DSCC1: variants seen among roughly 807,000 people sequenced by gnomAD.
DSCC1 encodes DNA replication and sister chromatid cohesion 1.
Under a neutral mutation model 48.2 loss-of-function variants are expected in DSCC1, and 32 were observed. That is an observed-to-expected ratio of 0.66 (90% CI 0.50 to 0.89). DSCC1 has a LOEUF of 0.89. DSCC1 is among the 40% of genes least tolerant of loss of function. The pLI is 0.00. For synonymous variants in DSCC1, 150 were observed against 171.5 expected (o/e 0.87, Z 0.98); for missense variants, 421 against 471.7 (o/e 0.89, Z 1.00).
In DSCC1 at chr8:119,838,277, T is replaced by A; in HGVS notation, c.1055A>T (p.Asp352Val). 6.3e-7 allele frequency: 1 copy of A among 1,595,708 alleles called. No homozygotes were observed. Among genetic ancestry groups the A allele is most frequent in the Non-Finnish European group, 8.5e-7 (1 of 1,173,826 alleles). ...TACTTACTGAATATATGGAGCAATA[T>A]CTTCTTCTGTCCACTTCTCCCTTAG... is the stretch of plus-strand genomic sequence containing the variant. ...FSLREKWTEE[D>V]IAPYIQDLCG... Residue 352 changes from aspartate to valine, a missense_variant, in exon 8 of 9, where the codon GAT becomes GTT. Physicochemically the swap from Asp to Val is radical, Grantham distance 152. Transcript: ENST00000313655.
At chr8:119,837,887 T>C (rs1826709661) in intron 8 of DSCC1, among the ~76,000 whole-genome samples, 1 of 152,164 alleles carries the variant, frequency 6.6e-6, no homozygotes, top group African/African-American at 2.4e-5. Flanking sequence ...GGGGCTAACG[T>C]GTTCTACTGC....
intron 1 of DSCC1, among the ~76,000 whole-genome samples, 197 bp downstream of exon 1, chr8:119,855,417 C>T (rs1256126667): frequency 1.3e-5 from 2 of 152,226 alleles, no homozygotes; most frequent in African/African-American, 4.8e-5. Context: ...TCAGCTGGAC[C>T]AGTGCTACTC....
intron 6 of DSCC1, 112 bp from the exon 7 acceptor site, chr8:119,842,060 A>C: frequency 1.2e-5 from 14 of 1,195,082 alleles, no homozygotes; most frequent in South Asian, 1.6e-5. Flanking sequence ...ACCTAAACTC[A>C]CTTCCGACAA....
At position 119,853,108 on chromosome 8, in the gene DSCC1, C is replaced by T. The variant is rs1826964733; in HGVS notation, c.290G>A (p.Gly97Asp). ...DTSNMLLFIP[G>D]CKTPDQLKKE... Reference sequence around the variant, plus strand: ...CTTCAACTGGTCCGGAGTTTTACAACCAGGAATGAAAAGCAACATATTGGA... The same window carrying T: ...CTTCAACTGGTCCGGAGTTTTACAATCAGGAATGAAAAGCAACATATTGGA... Residue 97 changes from glycine to aspartate, a missense_variant, in exon 2 of 9, where the codon GGT (glycine) becomes GAT (aspartate). Gly to Asp is a moderately conservative substitution (Grantham distance 94, BLOSUM62 -1). Around this residue, in one of 3 missense-constraint regions of DSCC1, gnomAD observed 174 missense variants for 184.5 expected, o/e 0.94. Coordinates refer to ENST00000313655, the MANE Select transcript of DSCC1 (RefSeq NM_024094.3). The T allele has an allele frequency of 1.9e-6, 3 of 1,613,798 alleles. No homozygotes were observed. The highest frequency in any genetic ancestry group is 2.7e-5 in the African/African-American group (2 of 74,874).
intron 1 of DSCC1, among the ~76,000 whole-genome samples, chr8:119,854,241 AG>A (rs1013628947): frequency 3.3e-5 from 5 of 152,176 alleles, no homozygotes; most frequent in Non-Finnish European, 2.9e-5. Context: ...CCCAAAAAAA[AG>A]ATAAAGAAAA....
intron 1 of DSCC1, among the ~76,000 whole-genome samples, chr8:119,854,649 T>TTTTTG (rs531764925): frequency 1.4e-5 from 2 of 138,664 alleles, no homozygotes; most frequent in African/African-American, 5.9e-5. Flanking sequence ...TATTTTTTTG[T>TTTTTG]TTTTGTTTTG....
intron 2 of DSCC1, among the ~76,000 whole-genome samples, chr8:119,852,480 A>T (rs1418838522): frequency 6.6e-6 from 1 of 152,092 alleles, no homozygotes; most frequent in Non-Finnish European, 1.5e-5. Flanking sequence ...CAGCCTCCCA[A>T]GTAGCTGGGA....
chr8:119,842,891 C>T, intron 5 of DSCC1, 63 bp from the exon 6 acceptor site: 1 of 1,315,218 alleles, frequency 7.6e-7, no homozygotes, highest in East Asian at 2.5e-5. Flanking sequence ...TATTTTAACC[C>T]CATTGCCAAC....
intron 8 of DSCC1, among the ~76,000 whole-genome samples, chr8:119,835,716 C>G (rs1411797547): frequency 2.0e-5 from 3 of 152,044 alleles, no homozygotes; most frequent in African/African-American, 4.8e-5. Context: ...TACAGTGAGG[C>G]CTACACAGCA....
At chr8:119,850,745 A>G (rs1826931954) in intron 2 of DSCC1, among the ~76,000 whole-genome samples, 2 of 152,200 alleles carry the variant, frequency 1.3e-5, no homozygotes, top group Non-Finnish European at 2.9e-5. Flanking sequence ...GTAAGAATCA[A>G]TAATTGAATG....
intron 1 of DSCC1, among the ~76,000 whole-genome samples, chr8:119,853,584 C>G (rs1826972752): frequency 1.3e-5 from 2 of 152,262 alleles, no homozygotes; most frequent in South Asian, 2.1e-4. Flanking sequence ...TAAAGTGGTA[C>G]TTCTCAAATT....
At position 119,855,044 on chromosome 8, in the gene DSCC1, T is replaced by C. The variant is rs541757152; in HGVS notation, c.182+570A>G. 2.6e-4 allele frequency among the ~76,000 whole-genome samples: 40 copies of C among 152,278 alleles called. No individual in the cohort carries two copies. The South Asian group carries it at 2.7e-3, about 10-fold the overall frequency. Reference sequence around the variant, plus strand: ...AACGATTCTCTAGACTTCTCAAGACTGCCTTTAAAAAACTACCTCAACTTC... The same window carrying C: ...AACGATTCTCTAGACTTCTCAAGACCGCCTTTAAAAAACTACCTCAACTTC... On this transcript the variant is annotated intron_variant, in intron 1 of 8. Coordinates refer to ENST00000313655, the MANE Select transcript of DSCC1 (RefSeq NM_024094.3).
chr8:119,852,955 G>A, intron 2 of DSCC1, 92 bp downstream of exon 2: 5 of 1,196,212 alleles, frequency 4.2e-6, no homozygotes, highest in Non-Finnish European at 5.6e-6. Context: ...CCTGATTATA[G>A]ATTTTACACG....
intron 4 of DSCC1, among the ~76,000 whole-genome samples, chr8:119,845,531 T>C (rs1826843417): frequency 6.6e-6 from 1 of 152,070 alleles, no homozygotes; most frequent in South Asian, 2.1e-4. Flanking sequence ...GATGTAAAAC[T>C]GAGGAAGAAA....
At chr8:119,844,921 A>G (rs1045395618) in intron 4 of DSCC1, among the ~76,000 whole-genome samples, 7 of 152,022 alleles carry the variant, frequency 4.6e-5, no homozygotes, top group African/African-American at 1.7e-4. Context: ...AGGCATTTCT[A>G]TACTCATGAA....
At chr8:119,849,728 C>G (rs1420636497) in intron 3 of DSCC1, among the ~76,000 whole-genome samples, 1 of 152,114 alleles carries the variant, frequency 6.6e-6, no homozygotes, top group African/African-American at 2.4e-5. Flanking sequence ...CAATTGCATA[C>G]TTTAAAACTG....
At chr8:119,853,453 G>A (rs1826970412) in intron 1 of DSCC1, among the ~76,000 whole-genome samples, 1 of 151,474 alleles carries the variant, frequency 6.6e-6, no homozygotes, top group Non-Finnish European at 1.5e-5. Flanking sequence ...GGGCAAGACA[G>A]ATCCATAGAG....
intron 7 of DSCC1, chr8:119,838,893 C>T (rs1826725762): frequency 6.6e-6 from 1 of 152,308 alleles, no homozygotes; most frequent in Admixed American, 6.5e-5. Context: ...ACCACCACAT[C>T]CAGCTAATTT....
In DSCC1 at chr8:119,843,678, G is replaced by A. The variant is rs929306681; in HGVS notation, c.647C>T (p.Ser216Phe). ...LLNHVTQLVD[S>F]ESWSFGKVPL... ...AACTTTACCAAAAGACCATGATTCA[G>A]AATCCACAAGCTGAGTTACATGATT... Residue 216 changes from serine to phenylalanine, a missense_variant, in exon 5 of 9, where the codon TCT becomes TTT. By Grantham distance (155) the Ser-to-Phe change is radical. This residue lies in a region of DSCC1 where 238 missense variants were observed against 259.0 expected (regional missense o/e 0.92). Transcript: ENST00000313655. 6.2e-7 allele frequency: 1 copy of A among 1,614,060 alleles called. No individual in the cohort carries two copies. Among genetic ancestry groups the A allele is most frequent in the African/African-American group, 1.3e-5 (1 of 75,022 alleles).
Sources: allele counts gnomAD v4.1 joint callset (sites outside exome capture counted in the v4.1 genomes callset), GRCh38; gene constraint gnomAD v4.1.1; regional missense constraint gnomAD v4.1.1; transcripts MANE v1.5; gene names NCBI Gene and HGNC (gene_info 2026-07-23, HGNC 2026-07-21).